The following ADD1 variants were observed in gnomAD, a reference collection of about 807,000 sequenced individuals.
The protein encoded by ADD1 is adducin 1, also known as alpha-adducin.
Under a neutral mutation model 80.5 loss-of-function variants are expected in ADD1, and 24 were observed. The observed-to-expected ratio is 0.30, with a 90% CI of 0.22 to 0.42. ADD1 has a LOEUF of 0.42. ADD1 is among the 10% of genes least tolerant of loss of function. The probability of loss-of-function intolerance (pLI) is 1.00; values close to 1 mark genes in which losing one functional copy is unlikely to be tolerated. For missense variants in ADD1, 948 were observed against 1,019.0 expected (o/e 0.93, Z 0.95); for synonymous variants, 373 against 393.8 (o/e 0.95, Z 0.63).
intron 1 of ADD1, among the ~76,000 whole-genome samples, chr4:2,866,074 C>T (rs1401097816): frequency 1.3e-5 from 2 of 152,240 alleles, no homozygotes; most frequent in African/African-American, 4.8e-5. Context: ...GAAATCTTAA[C>T]TGCAGTCTGC....
chr4:2,897,370 A>G (rs1387170957), intron 6 of ADD1, among the ~76,000 whole-genome samples: 1 of 150,166 alleles, frequency 6.7e-6, no homozygotes, highest in Non-Finnish European at 1.5e-5. Context: ...ACTTAAATAC[A>G]TGTAGAGAAA....
chr4:2,925,924 G>C (rs888382824), intron 14 of ADD1, 90 bp from the exon 15 acceptor site: 20 of 1,097,120 alleles, frequency 1.8e-5, no homozygotes, highest in Non-Finnish European at 2.7e-5. Flanking sequence ...GAGGGCGGCC[G>C]AGCGGGCTGC....
At chr4:2,872,126 C>T (rs1249012391) in intron 1 of ADD1, among the ~76,000 whole-genome samples, 2 of 152,168 alleles carry the variant, frequency 1.3e-5, no homozygotes, top group Non-Finnish European at 2.9e-5. Flanking sequence ...ATTTGAGTGA[C>T]ATCTGGGGGA....
Position 2,884,598 on chromosome 4 carries a change from A to G in ADD1, c.442A>G (p.Lys148Glu). ...YDKGEKLLRC[K>E]LAAFYRLADL... ...CAAAGGAGAGAAGTTATTACGGTGT[A>G]AATTGGCAGCGTTTTATAGACTAGC... The change falls in exon 4 of 16, where the codon AAA (lysine) becomes GAA (glutamate). Residue 148 changes from lysine to glutamate, a missense_variant. By Grantham distance (56) the Lys-to-Glu change is moderately conservative (BLOSUM62 1). Transcript: ENST00000683351. 1 of 1,613,696 alleles carries G rather than the reference A, an allele frequency of 6.2e-7. No individual in the cohort carries two copies. Among genetic ancestry groups the G allele is most frequent in the Non-Finnish European group, 8.5e-7 (1 of 1,179,748 alleles).
intron 1 of ADD1, among the ~76,000 whole-genome samples, chr4:2,848,013 G>A (rs1020472915): frequency 6.6e-6 from 1 of 152,064 alleles, no homozygotes; most frequent in Non-Finnish European, 1.5e-5. Context: ...TCAGGAGTTC[G>A]AGGCCAGCCT....
In ADD1 at chr4:2,899,253, GA is replaced by G; in HGVS notation, c.985-2del. 6.2e-7 allele frequency: 1 copy of G among 1,602,216 alleles called. No homozygotes were observed. The highest frequency in any genetic ancestry group is 8.5e-7 in the Non-Finnish European group (1 of 1,171,592). ...CTCAAGCCATGCTGTGTGTGTTTTG[GA>G]AAAGGTTCGAACTCTGGCCAGTGCA... On this transcript the variant is annotated splice_polypyrimidine_tract_variant and splice_region_variant and intron_variant, in intron 8 of 15. Coordinates refer to ENST00000683351, the MANE Select transcript of ADD1 (RefSeq NM_001354761.2).
intron 1 of ADD1, among the ~76,000 whole-genome samples, chr4:2,854,358 A>G (rs1727756769): frequency 1.3e-5 from 2 of 152,174 alleles, no homozygotes; most frequent in South Asian, 2.1e-4. Flanking sequence ...AAGAAAGAAT[A>G]TGTATTTAAT....
chr4:2,858,249 T>C (rs946729851), intron 1 of ADD1, among the ~76,000 whole-genome samples: 2 of 152,258 alleles, frequency 1.3e-5, no homozygotes, highest in African/African-American at 4.8e-5. Context: ...AAGATGATGC[T>C]ATTGCTGCTA....
Position 2,882,017 on chromosome 4 carries a change from C to T in ADD1, c.315C>T (p.Val105=), listed in dbSNP as rs1732437826. ...ADFMTTNVPN[V]YPAAPQGGMA... ...TTATGACCACGAATGTACCAAATGTCTACCCAGCAGCTCCGCAAGGAGGGA... is the reference window on the plus strand; with the variant it reads ...TTATGACCACGAATGTACCAAATGTTTACCCAGCAGCTCCGCAAGGAGGGA... The change falls in exon 3 of 16, where the codon GTC becomes GTT. Residue 105 remains valine, a synonymous_variant. Coordinates refer to ENST00000683351, the MANE Select transcript of ADD1 (RefSeq NM_001354761.2). 14 of 1,613,234 alleles carry T rather than the reference C, an allele frequency of 8.7e-6. No individual in the cohort carries two copies. Among genetic ancestry groups the T allele is most frequent in the African/African-American group, 1.3e-5 (1 of 75,024 alleles).
intron 13 of ADD1, among the ~76,000 whole-genome samples, chr4:2,911,553 C>T (rs911793599): frequency 6.6e-6 from 1 of 150,938 alleles, no homozygotes; most frequent in African/African-American, 2.4e-5. Context: ...CTCAAGCAGT[C>T]CTCCCTCCTC....
At chr4:2,891,319 G>A (rs1052524355) in intron 4 of ADD1, among the ~76,000 whole-genome samples, 1 of 152,024 alleles carries the variant, frequency 6.6e-6, no homozygotes, top group Admixed American at 6.6e-5. Flanking sequence ...TGGGCATGGT[G>A]TGCCTGTAAT....
At chr4:2,912,253 G>A (rs1163253352) in intron 13 of ADD1, among the ~76,000 whole-genome samples, 3 of 152,246 alleles carry the variant, frequency 2.0e-5, no homozygotes, top group African/African-American at 7.2e-5. Flanking sequence ...TCTTGTCTGG[G>A]TTGTCCATGA....
intron 14 of ADD1, among the ~76,000 whole-genome samples, chr4:2,918,724 G>A (rs1739490549): frequency 6.6e-6 from 1 of 152,100 alleles, no homozygotes; most frequent in Non-Finnish European, 1.5e-5. Context: ...TTAGCATGAA[G>A]GGGTGTTGAA....
chr4:2,875,561 A>T (rs1454412324), intron 1 of ADD1, among the ~76,000 whole-genome samples: 2 of 152,376 alleles, frequency 1.3e-5, no homozygotes, highest in Non-Finnish European at 2.9e-5. Flanking sequence ...GGAACAAATC[A>T]TGTCTGTAAA....
chr4:2,850,775 G>T (rs944457978), intron 1 of ADD1, among the ~76,000 whole-genome samples: 1 of 151,552 alleles, frequency 6.6e-6, no homozygotes, highest in Non-Finnish European at 1.5e-5. Flanking sequence ...TCACCACGTT[G>T]CCCAGGCTGG....
chr4:2,874,952 C>A (rs1253590702), intron 1 of ADD1, among the ~76,000 whole-genome samples: 1 of 152,004 alleles, frequency 6.6e-6, no homozygotes, highest in Non-Finnish European at 1.5e-5. Context: ...GCTAACAGGG[C>A]GTGGTGGCTC....
intron 12 of ADD1, chr4:2,909,114 T>C (rs1737563687): frequency 1.4e-5 from 8 of 569,114 alleles, no homozygotes; most frequent in Non-Finnish European, 2.5e-5. Flanking sequence ...ATATGCCACC[T>C]AATGCTTTAA....
chr4:2,881,540 C>T (rs988861323), intron 2 of ADD1: 8 of 169,414 alleles, frequency 4.7e-5, no homozygotes, highest in Admixed American at 1.9e-4. Context: ...GCGTAGAATT[C>T]CCAGTGTATT....
chr4:2,850,607 AG>A (rs1345851165), intron 1 of ADD1, among the ~76,000 whole-genome samples: 5 of 152,182 alleles, frequency 3.3e-5, no homozygotes, highest in Non-Finnish European at 4.4e-5. Context: ...TTGTATTTTT[AG>A]TAGAGATGGG....
Sources: allele counts gnomAD v4.1 joint callset (sites outside exome capture counted in the v4.1 genomes callset), GRCh38; gene constraint gnomAD v4.1.1; transcripts MANE v1.5; gene names NCBI Gene and HGNC (gene_info 2026-07-23, HGNC 2026-07-21).